The following FZD6 variants were observed in gnomAD, a reference collection of about 807,000 sequenced individuals.
The protein encoded by FZD6 is frizzled-6.
A neutral mutation model predicts 61.4 loss-of-function variants in FZD6; 49 were observed. That is an observed-to-expected ratio of 0.80 (90% CI 0.63 to 1.01). The LOEUF is 1.01. Ranked by LOEUF, FZD6 falls within the 50% of genes least tolerant of loss-of-function variation. FZD6 has a pLI of 0.00. For synonymous variants in FZD6, 265 were observed against 292.2 expected, an observed-to-expected ratio of 0.91 and a Z score of 0.95; for missense variants, 724 against 848.2, an observed-to-expected ratio of 0.85 and a Z score of 1.82.
chr8:103,328,971 A>G (rs950118198), intron 5 of FZD6, among the ~76,000 whole-genome samples: 36 of 142,608 alleles, frequency 2.5e-4, no homozygotes, highest in Non-Finnish European at 4.6e-5. Flanking sequence ...GGAATATTCT[A>G]TAACAAAATT....
In FZD6 at chr8:103,332,738, A is replaced by G. The variant is rs187081989; in HGVS notation, c.*1229A>G. ...TCTCTATTTAGCATTCTGTTAAGGC[A>G]CAAAAACTATGTACTGTATGGGAAA... On this transcript the variant is annotated 3_prime_UTR_variant, in exon 7 of 7. Transcript: ENST00000358755. 1.9e-3 allele frequency: 293 copies of G among 152,712 alleles called. 1 individual carries two copies. Among genetic ancestry groups the G allele is most frequent in the African/African-American group, 6.0e-3 (251 of 41,560 alleles). 9.5% of individuals were successfully genotyped at this position (152,712 alleles called of 1,614,324 possible).
At position 103,300,272 on chromosome 8, in the gene FZD6, G is replaced by A. The variant is rs144185033; in HGVS notation, c.165G>A (p.Ala55=). The A allele has an allele frequency of 9.1e-5, 146 of 1,608,412 alleles. No individual in the cohort carries two copies. Among genetic ancestry groups the A allele is most frequent in the Non-Finnish European group, 1.2e-4 (144 of 1,174,940 alleles). Residue 55 remains alanine (A), a synonymous_variant, in exon 2 of 7, where the codon GCG becomes GCA. Transcript: ENST00000358755. ...GTCATTATGACCAGAGTATTGCCGC[G>A]GTGGAAATGGAGGTGAGTAGTGCTT... ...LMGHYDQSIA[A]VEMEHFLPLA...
At chr8:103,326,062 AAGT>A (rs1454549027) in intron 4 of FZD6, among the ~76,000 whole-genome samples, 1 of 152,176 alleles carries the variant, frequency 6.6e-6, no homozygotes, top group Non-Finnish European at 1.5e-5. Flanking sequence ...AAATTAATAA[AAGT>A]AAATTTCTGA....
chr8:103,321,306 T>G (rs3808556), intron 3 of FZD6, among the ~76,000 whole-genome samples: 65,117 of 152,088 alleles, frequency 0.43, 14,532 homozygotes, highest in East Asian at 0.61. Flanking sequence ...CCATGTCCCA[T>G]TAATATAAAG....
intron 2 of FZD6, among the ~76,000 whole-genome samples, chr8:103,312,739 G>T (rs1814532417): frequency 6.6e-6 from 1 of 152,174 alleles, no homozygotes. Flanking sequence ...ATACTAGGCT[G>T]ACTACCCATT....
At chr8:103,326,371 T>A in intron 4 of FZD6, among the ~76,000 whole-genome samples, 1 of 152,294 alleles carries the variant, frequency 6.6e-6, no homozygotes, top group South Asian at 2.1e-4. Flanking sequence ...TTATCCATAG[T>A]TTGTTTTTAC....
chr8:103,298,773 C>CCGCCGCCGCCGCCGCCGCCG (rs1814047724), upstream of FZD6: 2 of 155,986 alleles, frequency 1.3e-5, no homozygotes, highest in Admixed American at 6.8e-5. Flanking sequence ...CAGGGCCAGT[C>CCGCCGCCGCCGCCGCCGCCG]CCGCCGCCGC....
rs754354607 is a variant in FZD6, at chr8:103,325,002, G to C, written c.896G>C (p.Trp299Ser). The change falls in exon 4 of 7, where the codon TGG (tryptophan) becomes TCG (serine). Residue 299 changes from tryptophan (W) to serine (S), a missense_variant. By Grantham distance (177) the Trp-to-Ser change is radical. Coordinates refer to ENST00000358755, the MANE Select transcript of FZD6 (RefSeq NM_003506.4). ...LYFFTMAGTV[W>S]WVILTITWFL... ...TTTTTCACAATGGCTGGCACTGTGT[G>C]GTGGGTGATTCTTACCATTACTTGG... 2 of 1,614,094 alleles carry C rather than the reference G, an allele frequency of 1.2e-6. No individual in the cohort carries two copies. The highest frequency in any genetic ancestry group is 3.3e-4 in the Middle Eastern group (2 of 6,062).
chr8:103,300,524 C>G (rs1197917990), intron 2 of FZD6, among the ~76,000 whole-genome samples: 1 of 152,156 alleles, frequency 6.6e-6, no homozygotes, highest in Non-Finnish European at 1.5e-5. Flanking sequence ...TATGGTTACA[C>G]ATGATTTCTA....
rs76570440 is a variant in FZD6 at position 103,320,975 on chromosome 8, A to G, written c.374+2189A>G. Among the ~76,000 whole-genome samples, 1,518 of 152,280 alleles carry G rather than the reference A, an allele frequency of 1.0e-2. 32 individuals carry two copies. The highest frequency in any genetic ancestry group is 0.034 in the African/African-American group (1,418 of 41,536). The stretch of plus-strand genomic sequence containing the variant: ...AAAAATTCCTGCCATCATGGACCTT[A>G]CATTTTAGTGGAGGGAAGGAGAAGA... On this transcript the variant is annotated intron_variant, in intron 3 of 6. Coordinates refer to ENST00000358755, the MANE Select transcript of FZD6 (RefSeq NM_003506.4).
chr8:103,325,749 G>A (rs1246281038), intron 4 of FZD6, among the ~76,000 whole-genome samples: 1 of 152,186 alleles, frequency 6.6e-6, no homozygotes, highest in East Asian at 1.9e-4. Flanking sequence ...TGCAAAGGCA[G>A]ATTAATAGCA....
At chr8:103,323,907 C>A (rs1814863867) in intron 3 of FZD6, among the ~76,000 whole-genome samples, 1 of 152,178 alleles carries the variant, frequency 6.6e-6, no homozygotes, top group African/African-American at 2.4e-5. Flanking sequence ...TAAGCTGGTC[C>A]TCAGCCTGCC....
intron 3 of FZD6, among the ~76,000 whole-genome samples, chr8:103,319,647 T>C (rs1225790266): frequency 6.6e-6 from 1 of 152,198 alleles, no homozygotes; most frequent in East Asian, 1.9e-4. Context: ...TTATACCTTT[T>C]CCACATGCAT....
At chr8:103,310,392 C>A (rs566102957) in intron 2 of FZD6, among the ~76,000 whole-genome samples, 4 of 152,102 alleles carry the variant, frequency 2.6e-5, no homozygotes, top group Non-Finnish European at 5.9e-5. Flanking sequence ...GCCTCAGCCC[C>A]GGAAGCAGCT....
In FZD6 at chr8:103,331,620, T is replaced by C; in HGVS notation, c.*111T>C. ...TTCTTCTTTTGCACTTAAAGTTGCA[T>C]TGCCTACTGTTATACTGGAAAAAAT... On this transcript the variant is annotated 3_prime_UTR_variant, in exon 7 of 7. Transcript: ENST00000358755. 1 of 761,308 alleles carries C rather than the reference T, an allele frequency of 1.3e-6. No individual in the cohort carries two copies. Among genetic ancestry groups the C allele is most frequent in the Non-Finnish European group, 2.3e-6 (1 of 431,014 alleles). 47.2% of individuals were successfully genotyped at this position (761,308 alleles called of 1,614,324 possible).
At chr8:103,323,433 CTT>C (rs11329397) in intron 3 of FZD6, among the ~76,000 whole-genome samples, 37 of 145,246 alleles carry the variant, frequency 2.5e-4, no homozygotes, top group Admixed American at 4.8e-4. Flanking sequence ...ACCTCCAGTA[CTT>C]TTTTTTTTTT....
chr8:103,332,281 A>C lies in FZD6; in HGVS notation c.*772A>C, dbSNP rs1220621206. ...TTAAAATAAAATGTCCTAAAGGGTT[A>C]GTAGACAAAATGTTAGTCTTTTGTA... On this transcript the variant is annotated 3_prime_UTR_variant, in exon 7 of 7. Coordinates refer to ENST00000358755, the MANE Select transcript of FZD6 (RefSeq NM_003506.4). 1 of 152,242 alleles carries C rather than the reference A, an allele frequency of 6.6e-6. No homozygotes were observed. The highest frequency in any genetic ancestry group is 1.5e-5 in the Non-Finnish European group (1 of 68,020). The allele number at this position is 152,242 out of a possible 1,614,324, so 9.4% of individuals were successfully genotyped here.
At chr8:103,308,945 G>C (rs1183685220) in intron 2 of FZD6, among the ~76,000 whole-genome samples, 1 of 152,124 alleles carries the variant, frequency 6.6e-6, no homozygotes, top group Non-Finnish European at 1.5e-5. Context: ...CATGTCTATG[G>C]CCTCATCAGC....
At chr8:103,328,114 G>A (rs2130340458) in intron 4 of FZD6, among the ~76,000 whole-genome samples, 154 bp from the exon 5 acceptor site, 1 of 152,258 alleles carries the variant, frequency 6.6e-6, no homozygotes, top group East Asian at 1.9e-4. Context: ...TAAAAAATGT[G>A]TTGCACTTAG....
Sources: gnomAD v4.1 joint callset for allele counts (sites outside exome capture counted in the v4.1 genomes callset) on GRCh38, gnomAD v4.1.1 for gene constraint, MANE v1.5 for transcripts, NCBI Gene and HGNC (gene_info 2026-07-23, HGNC 2026-07-21) for gene names.